Variants in MAP4 observed in about 807,000 individuals in gnomAD.
MAP4 encodes microtubule-associated protein 4.
In MAP4, 76 loss-of-function variants were observed where a neutral mutation model predicts 170.2. The observed-to-expected ratio is 0.45, with a 90% CI of 0.37 to 0.54. The LOEUF (loss-of-function observed/expected upper bound fraction) is 0.54. Among genes scored for constraint, MAP4 ranks in the 20% least tolerant of loss-of-function variants. The pLI is 0.00. For missense variants in MAP4, 2,506 were observed against 2,748.0 expected, an observed-to-expected ratio of 0.91 and a Z score of 1.97; for synonymous variants, 909 against 994.5, an observed-to-expected ratio of 0.91 and a Z score of 1.62.
In MAP4 at chr3:47,912,434, A is replaced by G; in HGVS notation, c.2000-13T>C. 6.9e-7 allele frequency: 1 copy of G among 1,458,616 alleles called. No homozygotes were observed. The highest frequency in any genetic ancestry group is 9.0e-7 in the Non-Finnish European group (1 of 1,109,152). The allele number at this position is 1,458,616 out of a possible 1,614,324, so 90.4% of individuals were successfully genotyped here. On this transcript the variant is annotated splice_polypyrimidine_tract_variant and intron_variant, in intron 8 of 20. Transcript: ENST00000683076. ...TACATGAAGTTGGCTAAAATTCCAAACAAAAAACTCCTCGTTATTGTTTCT... is the reference window on the plus strand; with the variant it reads ...TACATGAAGTTGGCTAAAATTCCAAGCAAAAAACTCCTCGTTATTGTTTCT...
chr3:47,990,256 T>G (rs938117791), intron 2 of MAP4, among the ~76,000 whole-genome samples: 1 of 152,240 alleles, frequency 6.6e-6, no homozygotes, highest in East Asian at 1.9e-4. Flanking sequence ...CATGGATTAG[T>G]GTTTCTCAAT....
In MAP4 at chr3:47,909,809, T is replaced by C. The variant is rs190739426; in HGVS notation, c.4612A>G (p.Lys1538Glu). The change falls in exon 9 of 21, where the codon AAA becomes GAA. Residue 1538 changes from lysine to glutamate, a missense_variant. Physicochemically the swap from Lys to Glu is moderately conservative, Grantham distance 56. Coordinates refer to ENST00000683076, the MANE Select transcript of MAP4 (RefSeq NM_001385682.1). ...KNKAELADSM[K>E]NEAGIDEGHV... ...CCTTCATCGATCCCTGCTTCATTTT[T>C]CATGGAATCAGCAAGCTCAGCTTTA... The C allele has an allele frequency of 4.1e-4, 668 of 1,614,056 alleles. 6 individuals carry two copies. The East Asian group carries it at 9.2e-3, about 22-fold the overall frequency.
At chr3:47,934,627 G>A (rs767446586) in intron 3 of MAP4, among the ~76,000 whole-genome samples, 3 of 151,992 alleles carry the variant, frequency 2.0e-5, no homozygotes, top group Non-Finnish European at 4.4e-5. Context: ...ATATTAGTGC[G>A]GCTCATAATT....
At chr3:47,995,077 T>C (rs2100094603) in intron 2 of MAP4, among the ~76,000 whole-genome samples, 1 of 152,124 alleles carries the variant, frequency 6.6e-6, no homozygotes, top group South Asian at 2.1e-4. Flanking sequence ...CGTACATCCC[T>C]TTGGACCAAT....
chr3:47,917,517 C>T (rs551370547), intron 6 of MAP4, among the ~76,000 whole-genome samples: 3 of 144,420 alleles, frequency 2.1e-5, no homozygotes, highest in East Asian at 2.1e-4. Context: ...ACCCAGGAGG[C>T]GGAGTTTGCA....
chr3:47,863,769 C>T (rs1371433615), intron 17 of MAP4, among the ~76,000 whole-genome samples: 1 of 152,042 alleles, frequency 6.6e-6, no homozygotes, highest in Non-Finnish European at 1.5e-5. Context: ...TCACTCCCCT[C>T]CCTCCCCTCC....
intron 11 of MAP4, 86 bp from the exon 12 acceptor site, chr3:47,875,986 G>C: frequency 1.0e-6 from 1 of 1,004,974 alleles, no homozygotes. Context: ...ATTAAAAAAA[G>C]TATAAATTGC....
chr3:48,004,835 AC>A (rs1274867510), intron 1 of MAP4, among the ~76,000 whole-genome samples: 10 of 151,596 alleles, frequency 6.6e-5, no homozygotes, highest in Non-Finnish European at 1.2e-4. Flanking sequence ...TGGCAGCATA[AC>A]CCCCCATCCC....
At chr3:47,879,248 A>C (rs571714971) in intron 10 of MAP4, among the ~76,000 whole-genome samples, 3 of 152,336 alleles carry the variant, frequency 2.0e-5, no homozygotes, top group Non-Finnish European at 2.9e-5. Flanking sequence ...GTGAAAAAAA[A>C]AACAACAAAG....
At chr3:47,885,924 T>C (rs935752816) in intron 10 of MAP4, among the ~76,000 whole-genome samples, 7 of 152,114 alleles carry the variant, frequency 4.6e-5, no homozygotes, top group African/African-American at 1.7e-4. Context: ...GAGTTGGGGT[T>C]TCGCTGTGTT....
At chr3:48,074,676 T>TTTTTTTTGTGTGTGTGTGTGTG (rs746281743) in intron 1 of MAP4, among the ~76,000 whole-genome samples, 1 of 90,640 alleles carries the variant, frequency 1.1e-5, no homozygotes, top group African/African-American at 4.9e-5. Flanking sequence ...ATCCAGCTAA[T>TTTTTTTTGTGTGTGTGTGTGTG]TGTGTGTGTG....
intron 4 of MAP4, among the ~76,000 whole-genome samples, 159 bp downstream of exon 4, chr3:47,928,069 G>A (rs1407221742): frequency 6.6e-6 from 1 of 152,206 alleles, no homozygotes; most frequent in African/African-American, 2.4e-5. Context: ...TGTCTCAAAG[G>A]AAAGGATAAA....
intron 17 of MAP4, among the ~76,000 whole-genome samples, chr3:47,866,067 A>ATG (rs1559814662): frequency 6.6e-6 from 1 of 152,152 alleles, no homozygotes; most frequent in Non-Finnish European, 1.5e-5. Flanking sequence ...GTCTGGGCGC[A>ATG]GTGGCTCACA....
At chr3:48,044,175 G>C (rs1205854107) in intron 1 of MAP4, among the ~76,000 whole-genome samples, 1 of 148,236 alleles carries the variant, frequency 6.7e-6, no homozygotes, top group East Asian at 2.0e-4. Context: ...TTTGTTTTTT[G>C]AGACAGTCTC....
Position 47,869,236 on chromosome 3 carries a change from GCA to G in MAP4, c.6384_6385del (p.Ala2129ThrfsTer31). ...CACTTTCCCCGCAGGTTGTTTCTGTGCACTTGCAATTGGGCCGGCTGTTTTAG... is the reference window on the plus strand; with the variant it reads ...CACTTTCCCCGCAGGTTGTTTCTGTGCTTGCAATTGGGCCGGCTGTTTTAG... On this transcript the variant is annotated frameshift_variant, in exon 16 of 21. Transcript: ENST00000683076. LOFTEE classifies it high-confidence loss of function. 1 of 1,613,462 alleles carries G rather than the reference GCA, an allele frequency of 6.2e-7. No homozygotes were observed. The highest frequency in any genetic ancestry group is 8.5e-7 in the Non-Finnish European group (1 of 1,179,368).
chr3:48,012,942 A>G (rs1221753771), intron 1 of MAP4, among the ~76,000 whole-genome samples: 1 of 146,850 alleles, frequency 6.8e-6, no homozygotes, highest in Non-Finnish European at 1.5e-5. Flanking sequence ...AGGTAATGCT[A>G]GTGTCATCTT....
At chr3:47,965,672 A>G (rs2100074433) in intron 3 of MAP4, among the ~76,000 whole-genome samples, 2 of 152,240 alleles carry the variant, frequency 1.3e-5, no homozygotes, top group South Asian at 2.1e-4. Flanking sequence ...GCATCTTTTC[A>G]TGTATTTCTT....
intron 3 of MAP4, among the ~76,000 whole-genome samples, chr3:47,947,402 T>G (rs1043998032): frequency 6.6e-6 from 1 of 152,160 alleles, no homozygotes; most frequent in Non-Finnish European, 1.5e-5. Context: ...TTTTAATCCC[T>G]GGTCCTCTCA....
At chr3:48,016,047 G>A (rs187770036) in intron 1 of MAP4, among the ~76,000 whole-genome samples, 7 of 152,266 alleles carry the variant, frequency 4.6e-5, no homozygotes, top group East Asian at 3.9e-4. Flanking sequence ...GGTTCTGTTC[G>A]TAACCACCAT....
Sources: allele counts gnomAD v4.1 joint callset (sites outside exome capture counted in the v4.1 genomes callset), GRCh38; gene constraint gnomAD v4.1.1; transcripts MANE v1.5; gene names NCBI Gene and HGNC (gene_info 2026-07-23, HGNC 2026-07-21).